SCGB1D2: variants seen among roughly 807,000 people sequenced by gnomAD.
The protein encoded by SCGB1D2 is lipophilin-B.
SCGB1D2 carries 10 observed loss-of-function variants against 10.5 expected under a neutral mutation model. The ratio of observed to expected loss-of-function variants is 0.95; its 90% CI spans 0.59 to 1.61. The LOEUF (loss-of-function observed/expected upper bound fraction) is 1.61. Among genes scored for constraint, SCGB1D2 ranks in the 40% most tolerant of loss-of-function variants. The pLI, the probability that SCGB1D2 is intolerant of heterozygous loss-of-function variation, is 0.00. For synonymous variants in SCGB1D2, 42 were observed against 42.8 expected (o/e 0.98, Z 0.08); for missense variants, 113 against 103.8 (o/e 1.09, Z -0.38).
chr11:62,243,583 T>G, intron 2 of SCGB1D2, 107 bp downstream of exon 2: 6 of 972,756 alleles, frequency 6.2e-6, no homozygotes, highest in Non-Finnish European at 7.7e-6. Flanking sequence ...GCAGCTGCCT[T>G]GCTGGTCACC....
At chr11:62,243,759 G>A (rs1945085144) in intron 2 of SCGB1D2, among the ~76,000 whole-genome samples, 1 of 152,122 alleles carries the variant, frequency 6.6e-6, no homozygotes, top group African/African-American at 2.4e-5. Context: ...CTGGGCCCAG[G>A]CAGAAATGGT....
At position 62,244,778 on chromosome 11, in the gene SCGB1D2, C is replaced by A; in HGVS notation, c.*79C>A. On this transcript the variant is annotated 3_prime_UTR_variant, in exon 3 of 3. Coordinates refer to ENST00000244926, the MANE Select transcript of SCGB1D2 (RefSeq NM_006551.4). ...TCACTGCAGAATGTAAAGGTTTCAA[C>A]GTCTTGCTTTAATAAATCACTTGCT... is the stretch of plus-strand genomic sequence containing the variant. 7 of 1,243,672 alleles carry A rather than the reference C, an allele frequency of 5.6e-6. No homozygotes were observed. In the South Asian group the frequency reaches 6.3e-5, roughly 11 times the overall value. The allele number at this position is 1,243,672 out of a possible 1,614,324, so 77.0% of individuals were successfully genotyped here. A position where few individuals can be genotyped will look rare whatever the true frequency, so the allele number is the denominator to read the frequency against.
chr11:62,243,588 G>A (rs146058491), intron 2 of SCGB1D2, 112 bp downstream of exon 2: 29 of 925,782 alleles, frequency 3.1e-5, no homozygotes, highest in Non-Finnish European at 4.3e-5. Context: ...TGCCTTGCTG[G>A]TCACCTCTTG....
chr11:62,242,862 T>C (rs1590664394), intron 1 of SCGB1D2, among the ~76,000 whole-genome samples: 2 of 151,988 alleles, frequency 1.3e-5, no homozygotes, highest in Non-Finnish European at 2.9e-5. Flanking sequence ...TCAAGGAGAG[T>C]GAATTGCTTG....
intron 2 of SCGB1D2, among the ~76,000 whole-genome samples, chr11:62,244,440 A>G (rs1338201599): frequency 1.3e-5 from 2 of 152,118 alleles, no homozygotes; most frequent in Admixed American, 6.5e-5. Context: ...CCTGGGCCTC[A>G]TTCCCGGATC....
intron 2 of SCGB1D2, 124 bp from the exon 3 acceptor site, chr11:62,244,546 G>A: frequency 1.2e-6 from 1 of 810,860 alleles, no homozygotes; most frequent in Admixed American, 2.3e-5. Flanking sequence ...CCCAAACTGA[G>A]TTGTTGCCTC....
intron 2 of SCGB1D2, among the ~76,000 whole-genome samples, chr11:62,243,955 G>A (rs1018813459): frequency 6.6e-6 from 1 of 152,068 alleles, no homozygotes; most frequent in Non-Finnish European, 1.5e-5. Flanking sequence ...GGACTTCTCT[G>A]CAGCTTCTGC....
At chr11:62,242,565 G>T (rs557648816) in intron 1 of SCGB1D2, among the ~76,000 whole-genome samples, 1 of 152,322 alleles carries the variant, frequency 6.6e-6, no homozygotes, top group South Asian at 2.1e-4. Flanking sequence ...TTGAAAATCA[G>T]TGCAGGCAAA....
rs760665383 is a variant in SCGB1D2, at chr11:62,243,366, A to C, written c.133A>C (p.Ser45Arg). 2.5e-5 allele frequency: 41 copies of C among 1,613,938 alleles called. No homozygotes were observed. Among genetic ancestry groups the C allele is most frequent in the Non-Finnish European group, 3.2e-5 (38 of 1,179,938 alleles). Reference protein sequence around the residue: ...FFISEPLFKLSLAKFDAPPEA... With the variant: ...FFISEPLFKLRLAKFDAPPEA... ...CATTAGTGAACCTCTGTTCAAGTTA[A>C]GTCTTGCCAAATTTGATGCCCCTCC... Residue 45 changes from serine (S) to arginine (R), a missense_variant, in exon 2 of 3, where the codon AGT becomes CGT. Transcript: ENST00000244926.
At chr11:62,244,598 C>A in intron 2 of SCGB1D2, 72 bp from the exon 3 acceptor site, 1 of 1,417,508 alleles carries the variant, frequency 7.1e-7, no homozygotes. Flanking sequence ...CCACTGGCCT[C>A]TTGGATGTGA....
intron 2 of SCGB1D2, among the ~76,000 whole-genome samples, 164 bp downstream of exon 2, chr11:62,243,640 C>G (rs2134755257): frequency 6.6e-6 from 1 of 152,298 alleles, no homozygotes; most frequent in Non-Finnish European, 1.5e-5. Flanking sequence ...CACCATTTCA[C>G]CTGCAGAATT....
chr11:62,242,394 C>A (rs570221087), intron 1 of SCGB1D2, 32 bp downstream of exon 1: 3 of 1,610,658 alleles, frequency 1.9e-6, no homozygotes, highest in South Asian at 1.1e-5. Context: ...CTAGCTCCAG[C>A]CCCTGGGAAG....
In SCGB1D2 at chr11:62,242,271, G is replaced by T. The variant is rs1945068574; in HGVS notation, c.-37G>T. 6.2e-7 allele frequency: 1 copy of T among 1,612,532 alleles called. No individual in the cohort carries two copies. Among genetic ancestry groups the T allele is most frequent in the Admixed American group, 1.7e-5 (1 of 59,994 alleles). ...TGGGGTGGAGTCCAAATCACTCATTGTTTGTGAAAGCTGAGCTCACAGCAA... is the reference window on the plus strand; with the variant it reads ...TGGGGTGGAGTCCAAATCACTCATTTTTTGTGAAAGCTGAGCTCACAGCAA... On this transcript the variant is annotated 5_prime_UTR_variant, in exon 1 of 3. Coordinates refer to ENST00000244926, the MANE Select transcript of SCGB1D2 (RefSeq NM_006551.4).
chr11:62,244,775 C>T lies in SCGB1D2; in HGVS notation c.*76C>T. 8.0e-7 allele frequency: 1 copy of T among 1,250,930 alleles called. No individual in the cohort carries two copies. Among genetic ancestry groups the T allele is most frequent in the Admixed American group, 1.8e-5 (1 of 55,514 alleles). 77.5% of individuals were successfully genotyped at this position (1,250,930 alleles called of 1,614,324 possible). A position where few individuals can be genotyped will look rare whatever the true frequency, so the allele number is the denominator to read the frequency against. On this transcript the variant is annotated 3_prime_UTR_variant, in exon 3 of 3. Transcript: ENST00000244926. The stretch of plus-strand genomic sequence containing the variant: ...TCTTCACTGCAGAATGTAAAGGTTT[C>T]AACGTCTTGCTTTAATAAATCACTT...
Position 62,243,567 on chromosome 11 carries a change from G to T in SCGB1D2, c.243+91G>T. 2.6e-6 allele frequency: 3 copies of T among 1,137,736 alleles called. No homozygotes were observed. In the South Asian group the frequency reaches 5.3e-5, roughly 20 times the overall value. The allele number at this position is 1,137,736 out of a possible 1,614,324, so 70.5% of individuals were successfully genotyped here. A position where few individuals can be genotyped will look rare whatever the true frequency, so the allele number is the denominator to read the frequency against. ...TTGCTGCTCTGTTGGGGACACAGGT[G>T]GTGGGGCAGCTGCCTTGCTGGTCAC... On this transcript the variant is annotated intron_variant, in intron 2 of 2. Coordinates refer to ENST00000244926, the MANE Select transcript of SCGB1D2 (RefSeq NM_006551.4).
intron 2 of SCGB1D2, 65 bp downstream of exon 2, chr11:62,243,541 C>G: frequency 7.2e-7 from 1 of 1,391,056 alleles, no homozygotes; most frequent in Non-Finnish European, 9.9e-7. Flanking sequence ...GTGAGGTCAG[C>G]TTGCTGCTCT....
Position 62,242,299 on chromosome 11 carries a change from C to T in SCGB1D2, c.-9C>T. 6.2e-7 allele frequency: 1 copy of T among 1,613,996 alleles called. No individual in the cohort carries two copies. Among genetic ancestry groups the T allele is most frequent in the Non-Finnish European group, 8.5e-7 (1 of 1,179,918 alleles). On this transcript the variant is annotated 5_prime_UTR_variant, in exon 1 of 3. Transcript: ENST00000244926. ...TGTGAAAGCTGAGCTCACAGCAAAA[C>T]AAGCCACCATGAAGCTGTCGGTGTG...
At position 62,242,241 on chromosome 11, in the gene SCGB1D2, G is replaced by C; in HGVS notation, c.-67G>C. Reference sequence around the variant, plus strand: ...AGCCCTGGGCTCTGCAGCTCCACAGGCTCCTGGGGTGGAGTCCAAATCACT... The same window carrying C: ...AGCCCTGGGCTCTGCAGCTCCACAGCCTCCTGGGGTGGAGTCCAAATCACT... On this transcript the variant is annotated 5_prime_UTR_variant, in exon 1 of 3. Coordinates refer to ENST00000244926, the MANE Select transcript of SCGB1D2 (RefSeq NM_006551.4). The C allele has an allele frequency of 6.4e-7, 1 of 1,563,312 alleles. No individual in the cohort carries two copies. The highest frequency in any genetic ancestry group is 8.8e-7 in the Non-Finnish European group (1 of 1,135,304).
rs754036828 is a variant in SCGB1D2, at chr11:62,243,373, C to T, written c.140C>T (p.Ala47Val). The change falls in exon 2 of 3, where the codon GCC (alanine) becomes GTC (valine). Residue 47 changes from alanine to valine, a missense_variant. Coordinates refer to ENST00000244926, the MANE Select transcript of SCGB1D2 (RefSeq NM_006551.4). Reference sequence around the variant, plus strand: ...GAACCTCTGTTCAAGTTAAGTCTTGCCAAATTTGATGCCCCTCCGGAAGCT... The same window carrying T: ...GAACCTCTGTTCAAGTTAAGTCTTGTCAAATTTGATGCCCCTCCGGAAGCT... Reference protein sequence around the residue: ...ISEPLFKLSLAKFDAPPEAVA... With the variant: ...ISEPLFKLSLVKFDAPPEAVA... 1.3e-5 allele frequency: 21 copies of T among 1,613,838 alleles called. No homozygotes were observed. Among genetic ancestry groups the T allele is most frequent in the Non-Finnish European group, 1.7e-5 (20 of 1,179,864 alleles).
Sources: gnomAD v4.1 joint callset for allele counts (sites outside exome capture counted in the v4.1 genomes callset) on GRCh38, gnomAD v4.1.1 for gene constraint, MANE v1.5 for transcripts, NCBI Gene and HGNC (gene_info 2026-07-23, HGNC 2026-07-21) for gene names.